MITF: variants seen among roughly 807,000 people sequenced by gnomAD.
MITF encodes the protein microphthalmia-associated transcription factor.
Under a neutral mutation model 60.5 loss-of-function variants are expected in MITF, and 17 were observed. That is an observed-to-expected ratio of 0.28 (90% CI 0.19 to 0.42). The LOEUF is 0.42. Among genes scored for constraint, MITF ranks in the 10% least tolerant of loss-of-function variants. The pLI is 1.00. For synonymous variants in MITF, 260 were observed against 248.5 expected (o/e 1.05, Z -0.43); for missense variants, 622 against 683.5 (o/e 0.91, Z 1.00).
chr3:69,833,434 G>A (rs772534335), intron 1 of MITF, among the ~76,000 whole-genome samples: 84 of 151,974 alleles, frequency 5.5e-4, no homozygotes, highest in Non-Finnish European at 6.0e-4. Flanking sequence ...ACTGTATGTG[G>A]TTGTTTTTCT....
rs112622876 is a variant in MITF, at chr3:69,786,485, A to G, written c.104+46784A>G. Among the ~76,000 whole-genome samples the G allele has an allele frequency of 4.2e-3, 647 of 152,312 alleles. 6 individuals carry two copies. The highest frequency in any genetic ancestry group is 0.014 in the African/African-American group (597 of 41,566). The stretch of plus-strand genomic sequence containing the variant: ...TCAATTTAGTTAACATCGTAAAATG[A>G]ATGTATATCCTTTTAGGACAGATTA... On this transcript the variant is annotated intron_variant, in intron 1 of 9. Transcript: ENST00000352241.
chr3:69,759,239 T>A (rs1468212140), intron 1 of MITF, among the ~76,000 whole-genome samples: 1 of 152,172 alleles, frequency 6.6e-6, no homozygotes, highest in Non-Finnish European at 1.5e-5. Context: ...GTTGATTCAT[T>A]AACGTTGAAC....
intron 1 of MITF, chr3:69,769,699 CG>C (rs1006054732): frequency 1.3e-5 from 2 of 152,108 alleles, no homozygotes; most frequent in African/African-American, 4.8e-5. Flanking sequence ...CACTACAGCC[CG>C]GAACTCCTGG....
rs1332498723 is a variant in MITF at position 69,965,599 on chromosome 3, T to A, written c.*351T>A. 7.8e-6 allele frequency: 2 copies of A among 255,118 alleles called. No homozygotes were observed. The highest frequency in any genetic ancestry group is 2.2e-5 in the African/African-American group (1 of 45,682). 15.8% of individuals were successfully genotyped at this position (255,118 alleles called of 1,614,324 possible). A position where few individuals can be genotyped will look rare whatever the true frequency, so the allele number is the denominator to read the frequency against. On this transcript the variant is annotated 3_prime_UTR_variant, in exon 10 of 10. Transcript: ENST00000352241. Reference sequence around the variant, plus strand: ...GATTTGAGATTTTTATGCCTGTGACTTCCTTGGAAATCAAATGTAAAGTTT... The same window carrying A: ...GATTTGAGATTTTTATGCCTGTGACATCCTTGGAAATCAAATGTAAAGTTT...
intron 1 of MITF, among the ~76,000 whole-genome samples, chr3:69,764,710 C>T (rs2062263175): frequency 6.6e-6 from 1 of 152,128 alleles, no homozygotes; most frequent in Non-Finnish European, 1.5e-5. Flanking sequence ...TATTTTTACT[C>T]AACAGTTTTT....
At position 69,849,368 on chromosome 3, in the gene MITF, T is replaced by C. The variant is rs1289753925; in HGVS notation, c.105-29766T>C. Among the ~76,000 whole-genome samples the C allele has an allele frequency of 5.9e-5, 9 of 152,270 alleles. No individual in the cohort carries two copies. In the East Asian group the frequency reaches 1.7e-3, roughly 29 times the overall value. On this transcript the variant is annotated intron_variant, in intron 1 of 9. Coordinates refer to ENST00000352241, the MANE Select transcript of MITF (RefSeq NM_001354604.2). Reference sequence around the variant, plus strand: ...ACGGTGCTGTTTTAGAGGAGTTCCCTTTGTGATGCCATGTTCGTATCAGGC... The same window carrying C: ...ACGGTGCTGTTTTAGAGGAGTTCCCCTTGTGATGCCATGTTCGTATCAGGC...
chr3:69,849,201 T>A (rs982369758), intron 1 of MITF, among the ~76,000 whole-genome samples: 1 of 151,948 alleles, frequency 6.6e-6, no homozygotes, highest in Non-Finnish European at 1.5e-5. Flanking sequence ...CCTGACCTCG[T>A]GATCCGCCCG....
intron 8 of MITF, among the ~76,000 whole-genome samples, chr3:69,957,527 A>G (rs1458437420): frequency 6.6e-6 from 1 of 152,204 alleles, no homozygotes; most frequent in South Asian, 2.1e-4. Context: ...AAGGAAAGGC[A>G]TTTTCAAACC....
At chr3:69,950,768 C>T (rs1401141266) in intron 6 of MITF, among the ~76,000 whole-genome samples, 1 of 151,660 alleles carries the variant, frequency 6.6e-6, no homozygotes, top group Non-Finnish European at 1.5e-5. Context: ...TTTCTGGATC[C>T]CCAGATTGGT....
intron 1 of MITF, chr3:69,763,480 G>A (rs1559615619): frequency 9.4e-7 from 1 of 1,059,966 alleles, no homozygotes; most frequent in Non-Finnish European, 1.2e-6. Context: ...GTCATTTTAA[G>A]TAGGCAGCAA....
chr3:69,823,985 A>T (rs1441858874), intron 1 of MITF, among the ~76,000 whole-genome samples: 1 of 152,212 alleles, frequency 6.6e-6, no homozygotes, highest in Non-Finnish European at 1.5e-5. Flanking sequence ...ATTATAAAAC[A>T]GTTACCACAT....
chr3:69,788,835 G>T (rs974688885), intron 1 of MITF, among the ~76,000 whole-genome samples: 2 of 152,156 alleles, frequency 1.3e-5, no homozygotes, highest in African/African-American at 4.8e-5. Context: ...GTGCCAAGAT[G>T]ATTCAATGAA....
chr3:69,824,633 C>CGAT (rs2063326968), intron 1 of MITF, among the ~76,000 whole-genome samples: 1 of 151,982 alleles, frequency 6.6e-6, no homozygotes, highest in African/African-American at 2.4e-5. Flanking sequence ...CTTGCAGCAC[C>CGAT]GGAGACATCT....
chr3:69,838,529 G>A (rs1439400809), intron 1 of MITF: 1 of 152,612 alleles, frequency 6.6e-6, no homozygotes, highest in African/African-American at 2.4e-5. Context: ...GTAGGTGGAT[G>A]GGAGGATTAA....
chr3:69,845,438 C>CTTTTTTT (rs202135701), intron 1 of MITF, among the ~76,000 whole-genome samples: 46 of 133,646 alleles, frequency 3.4e-4, no homozygotes, highest in Non-Finnish European at 5.7e-4. Flanking sequence ...TTTCTTTTTT[C>CTTTTTTT]TTTCTTTTTT....
chr3:69,949,166 C>A lies in MITF; in HGVS notation c.878C>A (p.Thr293Lys). ...ANLPNIKREL[T>K]ACIFPTESEA... Reference sequence around the variant, plus strand: ...CTTCCCAACATAAAAAGGGAGCTCACAGGTAAACACCTAGTAAATGTGCCT... The same window carrying A: ...CTTCCCAACATAAAAAGGGAGCTCAAAGGTAAACACCTAGTAAATGTGCCT... The change falls in exon 6 of 10, where the codon ACA (threonine) becomes AAA (lysine). Residue 293 changes from threonine (T) to lysine (K), a missense_variant and splice_region_variant. Coordinates refer to ENST00000352241, the MANE Select transcript of MITF (RefSeq NM_001354604.2). 1.9e-6 allele frequency: 3 copies of A among 1,602,792 alleles called. No individual in the cohort carries two copies. Among genetic ancestry groups the A allele is most frequent in the South Asian group, 1.1e-5 (1 of 90,844 alleles).
intron 1 of MITF, among the ~76,000 whole-genome samples, chr3:69,742,523 C>T (rs1703565399): frequency 6.6e-6 from 1 of 152,110 alleles, no homozygotes; most frequent in Non-Finnish European, 1.5e-5. Flanking sequence ...CTCCTACCTC[C>T]CTCTGCTACA....
At chr3:69,783,584 A>G (rs2062601079) in intron 1 of MITF, among the ~76,000 whole-genome samples, 1 of 151,870 alleles carries the variant, frequency 6.6e-6, no homozygotes, top group South Asian at 2.1e-4. Flanking sequence ...CACCACAGAT[A>G]ATGACTAAGG....
chr3:69,945,909 G>C (rs1559739929), intron 5 of MITF, among the ~76,000 whole-genome samples: 1 of 152,178 alleles, frequency 6.6e-6, no homozygotes, highest in East Asian at 1.9e-4. Flanking sequence ...CAGATTCCCT[G>C]ATTTCTGTTC....
Sources: gnomAD v4.1 joint callset for allele counts (sites outside exome capture counted in the v4.1 genomes callset) on GRCh38, gnomAD v4.1.1 for gene constraint, MANE v1.5 for transcripts, NCBI Gene and HGNC (gene_info 2026-07-23, HGNC 2026-07-21) for gene names.